COG6: variants seen among roughly 807,000 people sequenced by gnomAD.
The protein encoded by COG6 is component of oligomeric golgi complex 6, also known as conserved oligomeric Golgi complex subunit 6.
COG6 carries 74 observed loss-of-function variants against 88.8 expected under a neutral mutation model. The ratio of observed to expected loss-of-function variants is 0.83; its 90% CI spans 0.69 to 1.01. The LOEUF is 1.01. COG6 is among the 50% of genes least tolerant of loss of function. The pLI is 0.00. For synonymous variants in COG6, 286 were observed against 278.7 expected, an observed-to-expected ratio of 1.03 and a Z score of -0.26; for missense variants, 800 against 797.9, an observed-to-expected ratio of 1.00 and a Z score of -0.03.
intron 18 of COG6, among the ~76,000 whole-genome samples, chr13:39,760,038 T>A (rs1880963034): frequency 6.6e-6 from 1 of 152,216 alleles, no homozygotes; most frequent in South Asian, 2.1e-4. Flanking sequence ...TTTACTTAAA[T>A]ATGTTCTTTG....
chr13:39,655,675 C>T lies in COG6; in HGVS notation c.-52C>T, dbSNP rs1874413092. 5.2e-6 allele frequency: 8 copies of T among 1,551,340 alleles called. No homozygotes were observed. The highest frequency in any genetic ancestry group is 1.4e-5 in the African/African-American group (1 of 72,806). ...CACATGCGCAATACTCGCGCTGCCT[C>T]CGTGGTCCCTGCCTGGCTGAGGTGG... On this transcript the variant is annotated 5_prime_UTR_variant, in exon 1 of 19. Coordinates refer to ENST00000455146, the MANE Select transcript of COG6 (RefSeq NM_020751.3).
intron 6 of COG6, 157 bp downstream of exon 6, chr13:39,679,777 T>G: frequency 1.4e-6 from 1 of 711,364 alleles, no homozygotes; most frequent in South Asian, 1.6e-5. Flanking sequence ...CTGACAGGTT[T>G]AGGCTAAAAC....
downstream of COG6, among the ~76,000 whole-genome samples, chr13:39,755,617 G>A (rs913818453): frequency 1.3e-5 from 2 of 152,202 alleles, no homozygotes; most frequent in African/African-American, 4.8e-5. Context: ...CTCTGTGCAT[G>A]TTTAGGACTG....
chr13:39,697,399 T>G (rs1877335648), intron 12 of COG6, among the ~76,000 whole-genome samples: 1 of 151,758 alleles, frequency 6.6e-6, no homozygotes, highest in African/African-American at 2.4e-5. Context: ...GCATGCAAGA[T>G]CTCAAAAAAT....
chr13:39,675,773 A>C (rs1315009267), intron 4 of COG6, among the ~76,000 whole-genome samples: 1 of 152,100 alleles, frequency 6.6e-6, no homozygotes, highest in Non-Finnish European at 1.5e-5. Context: ...AAAAGCTCCC[A>C]AAAACATTTT....
intron 4 of COG6, among the ~76,000 whole-genome samples, chr13:39,665,478 ACAAT>A (rs903140587): frequency 2.6e-5 from 4 of 151,984 alleles, no homozygotes; most frequent in African/African-American, 7.2e-5. Context: ...CTTTTTTTTC[ACAAT>A]CATTGTCTTT....
chr13:39,722,431 GTT>G (rs1199094691), intron 15 of COG6, among the ~76,000 whole-genome samples: 1 of 151,892 alleles, frequency 6.6e-6, no homozygotes, highest in Non-Finnish European at 1.5e-5. Context: ...TTTTAAATCA[GTT>G]CTAAGTTTTT....
Position 39,723,523 on chromosome 13 carries a change from G to A in COG6, c.1692+83G>A, listed in dbSNP as rs1460089982. On this transcript the variant is annotated intron_variant, in intron 16 of 18. Transcript: ENST00000455146. ...TCTAGAGCTGCACTCTGGATTCTTG[G>A]CTCTACCACATATTAGCTGTGTTCT... 1.5e-5 allele frequency: 12 copies of A among 813,130 alleles called. No individual in the cohort carries two copies. In the Admixed American group the frequency reaches 2.2e-4, roughly 15 times the overall value. The allele number at this position is 813,130 out of a possible 1,614,324, so 50.4% of individuals were successfully genotyped here. A position where few individuals can be genotyped will look rare whatever the true frequency, so the allele number is the denominator to read the frequency against.
chr13:39,700,821 T>C (rs1034440681), intron 13 of COG6, among the ~76,000 whole-genome samples: 1 of 151,904 alleles, frequency 6.6e-6, no homozygotes, highest in Non-Finnish European at 1.5e-5. Flanking sequence ...CAAACTTATC[T>C]GTACTCCTTT....
chr13:39,734,116 C>T (rs1033040347), intron 18 of COG6, among the ~76,000 whole-genome samples: 11 of 152,144 alleles, frequency 7.2e-5, no homozygotes, highest in African/African-American at 2.6e-4. Context: ...TATATTTCTG[C>T]TCTGATCTTT....
intron 1 of COG6, among the ~76,000 whole-genome samples, chr13:39,658,113 T>C (rs559651015): frequency 1.3e-5 from 2 of 151,354 alleles, no homozygotes; most frequent in South Asian, 2.1e-4. Flanking sequence ...ACATATCTTA[T>C]AGGTTCTACT....
chr13:39,670,554 A>G (rs1875565029), intron 4 of COG6, among the ~76,000 whole-genome samples: 1 of 152,074 alleles, frequency 6.6e-6, no homozygotes, highest in South Asian at 2.1e-4. Flanking sequence ...GAAAGAAGGA[A>G]GGGGAAAATA....
At chr13:39,679,902 C>G in intron 6 of COG6, 73 bp from the exon 7 acceptor site, 1 of 818,360 alleles carries the variant, frequency 1.2e-6, no homozygotes, top group Non-Finnish European at 2.1e-6. Flanking sequence ...ATGTAATATG[C>G]AAACAAAATA....
At chr13:39,663,890 T>TA (rs34991785) in intron 3 of COG6, 90,318 of 140,320 alleles carry the variant, frequency 0.64, 28,887 homozygotes, top group Admixed American at 0.75. Context: ...CCTGCCTCTT[T>TA]AAAAAAAAAA....
chr13:39,666,173 A>G (rs527976818), intron 4 of COG6, among the ~76,000 whole-genome samples: 324 of 152,364 alleles, frequency 2.1e-3, no homozygotes, highest in Non-Finnish European at 2.9e-3. Context: ...ATGATTTATC[A>G]ATCATTACTA....
intron 18 of COG6, among the ~76,000 whole-genome samples, chr13:39,776,028 C>T (rs1881454250): frequency 6.6e-6 from 1 of 152,124 alleles, no homozygotes. Context: ...CTTGGTCTCC[C>T]AAAGTGCTGG....
In COG6 at chr13:39,751,371, G is replaced by A. The variant is rs1382092193; in HGVS notation, c.*278G>A. 2.1e-6 allele frequency: 3 copies of A among 1,397,662 alleles called. No homozygotes were observed. Among genetic ancestry groups the A allele is most frequent in the Admixed American group, 4.3e-5 (2 of 46,582 alleles). 86.6% of individuals were successfully genotyped at this position (1,397,662 alleles called of 1,614,324 possible). On this transcript the variant is annotated 3_prime_UTR_variant, in exon 19 of 19. Coordinates refer to ENST00000455146, the MANE Select transcript of COG6 (RefSeq NM_020751.3). ...CTGCAGTTTTCACTGTATTCAGGAA[G>A]CATAAAGTAGTATGAAAGGTTTGAA...
chr13:39,748,513 G>C (rs958309145), intron 18 of COG6, among the ~76,000 whole-genome samples: 6 of 152,068 alleles, frequency 3.9e-5, no homozygotes, highest in Non-Finnish European at 8.8e-5. Context: ...TACTCGGGAG[G>C]CTGAGGCAGG....
At chr13:39,756,853 G>T (rs1190809844), downstream of COG6, among the ~76,000 whole-genome samples, 1 of 152,042 alleles carries the variant, frequency 6.6e-6, no homozygotes, top group Non-Finnish European at 1.5e-5. Flanking sequence ...TTCATTGTTG[G>T]CCAACCTGCC....
Sources: gnomAD v4.1 joint callset for allele counts (sites outside exome capture counted in the v4.1 genomes callset) on GRCh38, gnomAD v4.1.1 for gene constraint, MANE v1.5 for transcripts, NCBI Gene and HGNC (gene_info 2026-07-23, HGNC 2026-07-21) for gene names.